CACNA1C: variants seen among roughly 807,000 people sequenced by gnomAD.
CACNA1C encodes calcium voltage-gated channel subunit alpha1 C.
Under a neutral mutation model 229.0 loss-of-function variants are expected in CACNA1C, and 30 were observed. The ratio of observed to expected loss-of-function variants is 0.13; its 90% CI spans 0.10 to 0.18. CACNA1C has a LOEUF of 0.18. CACNA1C is among the 10% of genes least tolerant of loss of function. CACNA1C has a pLI of 1.00. For synonymous variants in CACNA1C, 1,114 were observed against 1,132.5 expected (o/e 0.98, Z 0.33); for missense variants, 1,658 against 2,845.0 (o/e 0.58, Z 9.49).
intron 1 of CACNA1C, among the ~76,000 whole-genome samples, chr12:2,106,377 A>C (rs1595984063): frequency 3.6e-5 from 2 of 55,056 alleles, no homozygotes; most frequent in Admixed American, 1.7e-4. Context: ...CTGGGCGCCC[A>C]CCCCGGGGAG....
chr12:2,063,422 T>G (rs1425351920), intron 1 of CACNA1C, among the ~76,000 whole-genome samples: 1 of 152,228 alleles, frequency 6.6e-6, no homozygotes, highest in Non-Finnish European at 1.5e-5. Context: ...GTGCTGGGAT[T>G]ACAGGCGTGA....
chr12:2,508,076 C>T lies in CACNA1C; in HGVS notation c.1217+3131C>T, dbSNP rs539118637. ...AGAGGCCTGCAGCAGGGCTGGGCTG[C>T]TTAGCAGAGGGACCGGCAGCCCTGC... On this transcript the variant is annotated intron_variant, in intron 8 of 46. Coordinates refer to ENST00000399655, the MANE Select transcript of CACNA1C (RefSeq NM_000719.7). 3.9e-5 allele frequency among the ~76,000 whole-genome samples: 6 copies of T among 152,380 alleles called. No homozygotes were observed. The South Asian group carries it at 1.2e-3, about 32-fold the overall frequency.
chr12:2,638,697 A>C (rs1459949994), intron 30 of CACNA1C, among the ~76,000 whole-genome samples: 1 of 152,028 alleles, frequency 6.6e-6, no homozygotes, highest in Non-Finnish European at 1.5e-5. Context: ...AGCAAAATTA[A>C]CAGTGTTTCC....
chr12:2,197,990 A>C (rs1375012830), intron 3 of CACNA1C, among the ~76,000 whole-genome samples: 2 of 152,188 alleles, frequency 1.3e-5, no homozygotes, highest in African/African-American at 4.8e-5. Context: ...TTTAATTCAA[A>C]TTTATTTTCT....
chr12:2,534,643 A>G (rs1446633093), intron 9 of CACNA1C, among the ~76,000 whole-genome samples: 1 of 152,012 alleles, frequency 6.6e-6, no homozygotes, highest in African/African-American at 2.4e-5. Context: ...GGAAACTTCT[A>G]CTAATGAGCA....
At chr12:2,626,834 C>T (rs537666268) in intron 29 of CACNA1C, among the ~76,000 whole-genome samples, 19 of 152,116 alleles carry the variant, frequency 1.2e-4, no homozygotes, top group Non-Finnish European at 2.8e-4. Context: ...GATTCATATT[C>T]GTATGCCCAA....
intron 1 of CACNA1C, among the ~76,000 whole-genome samples, chr12:2,019,063 G>A (rs1273099539): frequency 6.6e-6 from 1 of 152,144 alleles, no homozygotes; most frequent in East Asian, 1.9e-4. Context: ...ACCAAACTGG[G>A]TGACTCTCTG....
At position 2,339,264 on chromosome 12, in the gene CACNA1C, G is replaced by A. The variant is rs114659364; in HGVS notation, c.478-109712G>A. Among the ~76,000 whole-genome samples the A allele has an allele frequency of 4.3e-3, 651 of 152,302 alleles. 2 individuals carry two copies. Among genetic ancestry groups the A allele is most frequent in the African/African-American group, 0.015 (623 of 41,556 alleles). The stretch of plus-strand genomic sequence containing the variant: ...CTAAACATATCTAAACATAGAAAAG[G>A]TACAAAGTACAGTATAAAAGATTAA... On this transcript the variant is annotated intron_variant, in intron 3 of 46. Transcript: ENST00000399655.
In CACNA1C at chr12:2,602,429, G is replaced by A. The variant is rs2072938231; in HGVS notation, c.2960+469G>A. Among the ~76,000 whole-genome samples the A allele has an allele frequency of 6.6e-6, 1 of 152,102 alleles. No homozygotes were observed. The highest frequency in any genetic ancestry group is 1.9e-4 in the East Asian group (1 of 5,200). Reference sequence around the variant, plus strand: ...TGTGTATATATATGTCTGTGTAAGTGTGGGGTGTATGTGTGCACGTGTGTG... The same window carrying A: ...TGTGTATATATATGTCTGTGTAAGTATGGGGTGTATGTGTGCACGTGTGTG... On this transcript the variant is annotated intron_variant, in intron 22 of 46. Coordinates refer to ENST00000399655, the MANE Select transcript of CACNA1C (RefSeq NM_000719.7). This position sits in a 1 kb window ranked among gnomAD's most constrained non-coding sequence, Gnocchi z 4.4.
At chr12:2,273,834 G>C (rs770772010) in intron 3 of CACNA1C, among the ~76,000 whole-genome samples, 1 of 152,206 alleles carries the variant, frequency 6.6e-6, no homozygotes, top group Non-Finnish European at 1.5e-5. Context: ...AGAACGGGAG[G>C]GGGTCAAGGA....
intron 3 of CACNA1C, among the ~76,000 whole-genome samples, chr12:2,400,028 C>T (rs1419188997): frequency 2.6e-5 from 4 of 152,308 alleles, no homozygotes; most frequent in African/African-American, 9.6e-5. Flanking sequence ...TTAAAGATCT[C>T]GCCTCCTGGA....
chr12:1,999,977 C>G (rs1593392245), intron 1 of CACNA1C, among the ~76,000 whole-genome samples: 1 of 151,968 alleles, frequency 6.6e-6, no homozygotes, highest in East Asian at 1.9e-4. Context: ...TCTTTGAAAA[C>G]AAACATGGTT....
chr12:2,246,020 A>G (rs1353217262), intron 3 of CACNA1C, among the ~76,000 whole-genome samples: 1 of 152,174 alleles, frequency 6.6e-6, no homozygotes, highest in Non-Finnish European at 1.5e-5. Context: ...TCAGTACCCT[A>G]ACTTTGTGCG....
chr12:2,573,018 C>T (rs1180637791), intron 13 of CACNA1C, among the ~76,000 whole-genome samples: 2 of 150,774 alleles, frequency 1.3e-5, no homozygotes, highest in South Asian at 4.2e-4. Flanking sequence ...CCTCCTCCTC[C>T]TCCTTCTTCT....
intron 29 of CACNA1C, 37 bp from the exon 30 acceptor site, chr12:2,634,260 T>A: frequency 9.2e-7 from 1 of 1,091,592 alleles, no homozygotes; most frequent in Non-Finnish European, 1.3e-6. Flanking sequence ...TTGTTGGTTC[T>A]TCTTCTCTCT....
chr12:2,154,502 A>T (rs942694268), intron 3 of CACNA1C, among the ~76,000 whole-genome samples: 1 of 152,114 alleles, frequency 6.6e-6, no homozygotes, highest in Non-Finnish European at 1.5e-5. Context: ...GAGACTCCTC[A>T]CCCGGGGCCA....
At chr12:2,394,634 G>C (rs543128364) in intron 3 of CACNA1C, among the ~76,000 whole-genome samples, 10 of 152,100 alleles carry the variant, frequency 6.6e-5, no homozygotes, top group Admixed American at 5.2e-4. Context: ...CCATCCAAAG[G>C]GGTCTTCAGA....
At chr12:2,543,729 C>G (rs568425243) in intron 9 of CACNA1C, among the ~76,000 whole-genome samples, 1 of 152,196 alleles carries the variant, frequency 6.6e-6, no homozygotes, top group Non-Finnish European at 1.5e-5. Context: ...TTTAGTTGCT[C>G]TTCAGATCAT....
chr12:2,267,868 C>A (rs2083004459), intron 3 of CACNA1C, among the ~76,000 whole-genome samples: 1 of 152,142 alleles, frequency 6.6e-6, no homozygotes. Context: ...ATCATGCTGG[C>A]CTCGCCAGTC....
Sources: allele counts gnomAD v4.1 joint callset (sites outside exome capture counted in the v4.1 genomes callset), GRCh38; gene constraint gnomAD v4.1.1; non-coding constraint Gnocchi (gnomAD v3.1); transcripts MANE v1.5; gene names NCBI Gene and HGNC (gene_info 2026-07-23, HGNC 2026-07-21).